The following DLG2 variants were observed in gnomAD, a reference collection of about 807,000 sequenced individuals.
DLG2 encodes discs large MAGUK scaffold protein 2, also known as disks large homolog 2.
In DLG2, 45 loss-of-function variants were observed where a neutral mutation model predicts 132.5. The ratio of observed to expected loss-of-function variants is 0.34; its 90% CI spans 0.27 to 0.44. The LOEUF (loss-of-function observed/expected upper bound fraction) is 0.44. Among genes scored for constraint, DLG2 ranks in the 20% least tolerant of loss-of-function variants. DLG2 has a pLI of 1.00. For synonymous variants in DLG2, 424 were observed against 419.6 expected, an observed-to-expected ratio of 1.01 and a Z score of -0.13; for missense variants, 1,045 against 1,196.9, an observed-to-expected ratio of 0.87 and a Z score of 1.87.
At chr11:84,600,188 GAA>G (rs1202380759) in intron 6 of DLG2, among the ~76,000 whole-genome samples, 1 of 134,132 alleles carries the variant, frequency 7.5e-6, no homozygotes, top group Non-Finnish European at 1.5e-5. Flanking sequence ...AAGAAAGAAA[GAA>G]AGAAAGAAAG....
chr11:83,771,572 C>G (rs897006651), intron 18 of DLG2, among the ~76,000 whole-genome samples: 1 of 152,088 alleles, frequency 6.6e-6, no homozygotes, highest in South Asian at 2.1e-4. Flanking sequence ...GTTACTGTTA[C>G]TGTACTGAAT....
chr11:84,555,449 A>G (rs1334635436), intron 6 of DLG2, among the ~76,000 whole-genome samples: 1 of 88,374 alleles, frequency 1.1e-5, no homozygotes, highest in Non-Finnish European at 2.5e-5. Flanking sequence ...CCATATATAC[A>G]CACACACACA....
At chr11:85,178,573 A>G (rs972119795) in intron 4 of DLG2, among the ~76,000 whole-genome samples, 1 of 152,040 alleles carries the variant, frequency 6.6e-6, no homozygotes, top group Non-Finnish European at 1.5e-5. Flanking sequence ...AAGATCTTCA[A>G]TAAACAGAAT....
intron 3 of DLG2, among the ~76,000 whole-genome samples, chr11:85,480,800 C>G (rs2093269720): frequency 6.6e-6 from 1 of 152,152 alleles, no homozygotes; most frequent in African/African-American, 2.4e-5. Flanking sequence ...AAGGTTCTGT[C>G]TTTTTCAGCT....
intron 18 of DLG2, among the ~76,000 whole-genome samples, chr11:83,751,349 A>G (rs986021756): frequency 1.9e-4 from 29 of 152,276 alleles, no homozygotes; most frequent in Admixed American, 1.7e-3. Context: ...ATGGGAGAGA[A>G]ATATATAGGA....
intron 6 of DLG2, among the ~76,000 whole-genome samples, chr11:84,650,203 T>C (rs761049877): frequency 4.6e-5 from 7 of 152,222 alleles, no homozygotes; most frequent in Admixed American, 6.5e-5. Flanking sequence ...TCTGCCTACA[T>C]TTGTTTAATC....
chr11:85,163,776 C>T (rs532385688), intron 4 of DLG2, among the ~76,000 whole-genome samples: 1 of 152,238 alleles, frequency 6.6e-6, no homozygotes, highest in South Asian at 2.1e-4. Flanking sequence ...ACTAACCACC[C>T]TATAGCTGAG....
chr11:84,879,147 G>A (rs2086883702), intron 6 of DLG2, among the ~76,000 whole-genome samples: 1 of 152,056 alleles, frequency 6.6e-6, no homozygotes, highest in Non-Finnish European at 1.5e-5. Flanking sequence ...TAGTTGTAAT[G>A]GCCAGGAGCT....
chr11:84,224,626 C>T (rs2096964177), intron 8 of DLG2, among the ~76,000 whole-genome samples: 1 of 152,176 alleles, frequency 6.6e-6, no homozygotes, highest in African/African-American at 2.4e-5. Flanking sequence ...TTACCCCCAA[C>T]TCACAGAAAA....
At chr11:83,761,700 G>C (rs1215571762) in intron 18 of DLG2, among the ~76,000 whole-genome samples, 2 of 152,022 alleles carry the variant, frequency 1.3e-5, no homozygotes, top group African/African-American at 4.8e-5. Flanking sequence ...TAATCCCCCT[G>C]TGCTTCCCCC....
chr11:84,934,515 G>GGTTTTTTTTTTTTT (rs1566441569), intron 6 of DLG2, among the ~76,000 whole-genome samples: 56 of 40,474 alleles, frequency 1.4e-3, no homozygotes, highest in African/African-American at 2.0e-3. Context: ...TTTTTTTTTT[G>GGTTTTTTTTTTTTT]TTTTGTTTTG....
At chr11:83,787,438 C>A (rs988394706) in intron 17 of DLG2, among the ~76,000 whole-genome samples, 1 of 150,104 alleles carries the variant, frequency 6.7e-6, no homozygotes, top group Non-Finnish European at 1.5e-5. Flanking sequence ...TCTCCTGCCT[C>A]AGCCTCCCAA....
chr11:85,156,334 T>G (rs1282401290), intron 4 of DLG2, among the ~76,000 whole-genome samples: 2 of 152,330 alleles, frequency 1.3e-5, no homozygotes, highest in South Asian at 2.1e-4. Context: ...GCAGGATATC[T>G]TACTGTTTTT....
At chr11:85,151,442 C>G (rs1165329093) in intron 5 of DLG2, among the ~76,000 whole-genome samples, 1 of 151,426 alleles carries the variant, frequency 6.6e-6, no homozygotes, top group Admixed American at 6.6e-5. Flanking sequence ...GAAATTGTTG[C>G]CAAATCCAAT....
chr11:84,720,239 T>A, intron 6 of DLG2: 1 of 978,634 alleles, frequency 1.0e-6, no homozygotes, highest in Non-Finnish European at 1.2e-6. Flanking sequence ...ACAGAAGGAA[T>A]TGTTCTCTCC....
intron 3 of DLG2, among the ~76,000 whole-genome samples, chr11:85,420,797 G>C (rs11234341): frequency 0.14 from 22,002 of 152,030 alleles, 2,183 homozygotes; most frequent in Non-Finnish European, 0.22. Context: ...CACCAAGCTC[G>C]AGCATCCCAG....
intron 18 of DLG2, among the ~76,000 whole-genome samples, chr11:83,695,226 T>C (rs1023462678): frequency 6.6e-6 from 1 of 152,214 alleles, no homozygotes; most frequent in Non-Finnish European, 1.5e-5. Context: ...GAGCATCTAT[T>C]ATATGCCTGA....
At chr11:85,017,019 T>C (rs934732334) in intron 6 of DLG2, among the ~76,000 whole-genome samples, 1 of 152,166 alleles carries the variant, frequency 6.6e-6, no homozygotes, top group African/African-American at 2.4e-5. Context: ...TGCCCATTTG[T>C]TTATATATTT....
At chr11:84,684,535 A>G (rs2099736365) in intron 6 of DLG2, among the ~76,000 whole-genome samples, 1 of 152,088 alleles carries the variant, frequency 6.6e-6, no homozygotes, top group African/African-American at 2.4e-5. Flanking sequence ...ACCCTTCTCT[A>G]GAGTTCAGTT....
Sources: allele counts gnomAD v4.1 joint callset (sites outside exome capture counted in the v4.1 genomes callset), GRCh38; gene constraint gnomAD v4.1.1; transcripts MANE v1.5; gene names NCBI Gene and HGNC (gene_info 2026-07-23, HGNC 2026-07-21).